The following SGCG variants were observed in gnomAD, a reference collection of about 807,000 sequenced individuals.
SGCG encodes gamma-sarcoglycan.
In SGCG, 26 loss-of-function variants were observed where a neutral mutation model predicts 29.3. The ratio of observed to expected loss-of-function variants is 0.89; its 90% CI spans 0.65 to 1.23. The LOEUF (loss-of-function observed/expected upper bound fraction) is 1.23. Ranked by LOEUF, SGCG falls within the 50% of genes most tolerant of loss-of-function variation. The probability of loss-of-function intolerance (pLI) is 0.00; values close to 1 mark genes in which losing one functional copy is unlikely to be tolerated. For synonymous variants in SGCG, 145 were observed against 129.7 expected, an observed-to-expected ratio of 1.12 and a Z score of -0.80; for missense variants, 353 against 356.0, an observed-to-expected ratio of 0.99 and a Z score of 0.07.
At chr13:23,222,015 A>G (rs1219645712) in intron 2 of SGCG, among the ~76,000 whole-genome samples, 2 of 152,226 alleles carry the variant, frequency 1.3e-5, no homozygotes, top group East Asian at 1.9e-4. Flanking sequence ...GTGGAAGGTG[A>G]TAAGTTTGAG....
At chr13:23,246,599 G>A (rs970482773) in intron 3 of SGCG, 12 of 190,370 alleles carry the variant, frequency 6.3e-5, no homozygotes, top group African/African-American at 2.6e-4. Flanking sequence ...CCCTCATTTT[G>A]CCCATTATTA....
chr13:23,180,761 CTTGT>C (rs1231933418), upstream of SGCG, among the ~76,000 whole-genome samples: 2 of 152,024 alleles, frequency 1.3e-5, no homozygotes, highest in African/African-American at 2.4e-5. Flanking sequence ...AGTTTGGTTT[CTTGT>C]TTGTTTGTTT....
At chr13:23,184,953 C>T (rs1042027683) in intron 1 of SGCG, among the ~76,000 whole-genome samples, 1 of 152,214 alleles carries the variant, frequency 6.6e-6, no homozygotes, top group Non-Finnish European at 1.5e-5. Context: ...ATGAGGATTA[C>T]ATAATTGTTC....
the SGCG span, among the ~76,000 whole-genome samples, chr13:23,175,506 G>C: frequency 6.6e-6 from 1 of 152,124 alleles, no homozygotes; most frequent in Non-Finnish European, 1.5e-5. Flanking sequence ...TGCAATATCT[G>C]TTGCTTACAA....
At chr13:23,188,480 ATTTT>A (rs71218545) in intron 1 of SGCG, among the ~76,000 whole-genome samples, 31,904 of 120,252 alleles carry the variant, frequency 0.27, 4,746 homozygotes, top group Middle Eastern at 0.39. Context: ...CGCCTGCCTA[ATTTT>A]TTTTTTTTTT....
chr13:23,280,538 A>G (rs1233758621), intron 5 of SGCG, among the ~76,000 whole-genome samples: 5 of 152,244 alleles, frequency 3.3e-5, no homozygotes, highest in African/African-American at 1.2e-4. Flanking sequence ...AATGAAGGAC[A>G]CTAGCGCATT....
At chr13:23,193,579 C>T (rs1593165362) in intron 1 of SGCG, among the ~76,000 whole-genome samples, 2 of 152,016 alleles carry the variant, frequency 1.3e-5, no homozygotes, top group South Asian at 2.1e-4. Context: ...TGGGAATGGC[C>T]GATGCCATGG....
the SGCG span, among the ~76,000 whole-genome samples, chr13:23,171,676 G>A: frequency 4.8e-3 from 730 of 152,262 alleles, 8 homozygotes; most frequent in African/African-American, 0.017. Flanking sequence ...AACTGTTCCA[G>A]ATAAGATCAT....
At chr13:23,279,507 A>G in intron 5 of SGCG, 29 bp downstream of exon 5, 2 of 1,606,934 alleles carry the variant, frequency 1.2e-6, no homozygotes, top group Non-Finnish European at 8.5e-7. Flanking sequence ...AAAACACAAC[A>G]TTCCATGGAG....
chr13:23,222,317 CTT>C (rs912881859), intron 2 of SGCG, among the ~76,000 whole-genome samples: 21 of 152,206 alleles, frequency 1.4e-4, no homozygotes, highest in African/African-American at 5.1e-4. Flanking sequence ...TCTGTGCCCT[CTT>C]TAAGAAATGT....
chr13:23,271,787 G>A (rs1350916518), intron 4 of SGCG, among the ~76,000 whole-genome samples: 1 of 152,074 alleles, frequency 6.6e-6, no homozygotes, highest in Non-Finnish European at 1.5e-5. Flanking sequence ...ATAATGTTGG[G>A]TCACCCTATC....
At chr13:23,269,989 C>T (rs1880807801) in intron 4 of SGCG, among the ~76,000 whole-genome samples, 1 of 151,882 alleles carries the variant, frequency 6.6e-6, no homozygotes, top group Admixed American at 6.6e-5. Context: ...ATTCTCCTGC[C>T]TCAGCCTCCC....
intron 6 of SGCG, among the ~76,000 whole-genome samples, chr13:23,306,935 A>G (rs1412859916): frequency 1.3e-5 from 2 of 152,254 alleles, no homozygotes; most frequent in Non-Finnish European, 2.9e-5. Context: ...TGTTAAATCC[A>G]GAATGTGAAA....
At chr13:23,293,904 A>G (rs1440589486) in intron 5 of SGCG, among the ~76,000 whole-genome samples, 2 of 151,988 alleles carry the variant, frequency 1.3e-5, no homozygotes, top group Non-Finnish European at 2.9e-5. Flanking sequence ...CTCAACACAG[A>G]GGCTGGGAAA....
At chr13:23,244,158 C>T (rs1418663188) in intron 3 of SGCG, 1 of 152,148 alleles carries the variant, frequency 6.6e-6, no homozygotes, top group Admixed American at 6.5e-5. Flanking sequence ...TATATAAAAA[C>T]AAGCAATCTT....
At chr13:23,258,367 G>T (rs1002915750) in intron 4 of SGCG, among the ~76,000 whole-genome samples, 2 of 151,882 alleles carry the variant, frequency 1.3e-5, no homozygotes, top group Non-Finnish European at 2.9e-5. Context: ...TTGGTGTATA[G>T]GGATGCTCGT....
chr13:23,165,801 A>G, the SGCG span, among the ~76,000 whole-genome samples: 1 of 152,214 alleles, frequency 6.6e-6, no homozygotes, highest in African/African-American at 2.4e-5. Flanking sequence ...TGCTGGGATT[A>G]CAGGAATGAG....
chr13:23,301,038 C>G (rs1882141186), intron 6 of SGCG, among the ~76,000 whole-genome samples: 1 of 152,062 alleles, frequency 6.6e-6, no homozygotes, highest in African/African-American at 2.4e-5. Context: ...ATGGCGTGAA[C>G]CCAGGAGGCA....
rs10716635 is a variant in SGCG at position 23,184,372 on chromosome 13, GTT to G, written c.-1+3308_-1+3309del. 1.1e-3 allele frequency among the ~76,000 whole-genome samples: 169 copies of G among 147,946 alleles called. 1 individual carries two copies. The highest frequency in any genetic ancestry group is 3.3e-3 in the African/African-American group (134 of 40,558). Reference sequence around the variant, plus strand: ...TTTTTAGGGACTAGGCAAATTGAAGGTTTTTTTTTTTTCTAGAGGGGGCAGTG... The same window carrying G: ...TTTTTAGGGACTAGGCAAATTGAAGGTTTTTTTTTTCTAGAGGGGGCAGTG... On this transcript the variant is annotated intron_variant, in intron 1 of 7. Transcript: ENST00000218867.
Sources: allele counts gnomAD v4.1 joint callset (sites outside exome capture counted in the v4.1 genomes callset), GRCh38; gene constraint gnomAD v4.1.1; transcripts MANE v1.5; gene names NCBI Gene and HGNC (gene_info 2026-07-23, HGNC 2026-07-21).